Variants in MACROD2 observed in about 807,000 individuals in gnomAD.
MACROD2 encodes the protein mono-ADP ribosylhydrolase 2.
Under a neutral mutation model 70.4 loss-of-function variants are expected in MACROD2, and 36 were observed. The ratio of observed to expected loss-of-function variants is 0.51; its 90% CI spans 0.39 to 0.68. The LOEUF (loss-of-function observed/expected upper bound fraction) is 0.68, where lower values mean the gene tolerates loss of function less well. MACROD2 is among the 30% of genes least tolerant of loss of function. MACROD2 has a pLI of 0.00. For missense variants in MACROD2, 496 were observed against 538.4 expected (o/e 0.92, Z 0.78); for synonymous variants, 172 against 178.8 (o/e 0.96, Z 0.30).
Position 15,564,510 on chromosome 20 carries a change from G to A in MACROD2, c.645+64663G>A, listed in dbSNP as rs57030872. Among the ~76,000 whole-genome samples the A allele has an allele frequency of 3.0e-3, 453 of 152,194 alleles. 4 individuals are homozygous for A. The highest frequency in any genetic ancestry group is 0.01 in the African/African-American group (427 of 41,512). ...TATTGTACCTCTGACATTACTTATA[G>A]CACATTTCGCAGCTGGGTTTAAAAG... is the stretch of plus-strand genomic sequence containing the variant. On this transcript the variant is annotated intron_variant, in intron 8 of 17. Transcript: ENST00000684519.
At chr20:14,909,006 G>A (rs1377331307) in intron 5 of MACROD2, among the ~76,000 whole-genome samples, 1 of 152,198 alleles carries the variant, frequency 6.6e-6, no homozygotes, top group African/African-American at 2.4e-5. Flanking sequence ...ACCACTGCAG[G>A]TATGGATTAG....
chr20:14,002,258 C>G, intron 1 of MACROD2, 30 bp from the exon 2 acceptor site: 2 of 1,393,904 alleles, frequency 1.4e-6, no homozygotes, highest in Non-Finnish European at 2.0e-6. Flanking sequence ...ACGTTAAATA[C>G]AAATGGAGAT....
chr20:14,130,778 G>A lies in MACROD2; in HGVS notation c.271+45050G>A, dbSNP rs982193512. ...CTCCTTTCAAATAAAAGCAAATTGG[G>A]ATAAATTTGTCATTTTTTGGAGATA... On this transcript the variant is annotated intron_variant, in intron 3 of 17. Coordinates refer to ENST00000684519, the MANE Select transcript of MACROD2 (RefSeq NM_001351661.2). Among the ~76,000 whole-genome samples the A allele has an allele frequency of 3.3e-5, 5 of 152,154 alleles. No individual in the cohort carries two copies. The East Asian group carries it at 5.8e-4, about 18-fold the overall frequency.
chr20:14,418,186 T>C (rs557790746), intron 3 of MACROD2, among the ~76,000 whole-genome samples: 1 of 152,244 alleles, frequency 6.6e-6, no homozygotes, highest in Non-Finnish European at 1.5e-5. Context: ...TTTGTTCCTT[T>C]ACAGCTGGAT....
intron 8 of MACROD2, among the ~76,000 whole-genome samples, chr20:15,800,536 A>T: frequency 6.6e-6 from 1 of 152,116 alleles, no homozygotes; most frequent in East Asian, 2.0e-4. Flanking sequence ...ATTAAAGAGG[A>T]TGTCCTTTCC....
At chr20:14,855,627 T>TA (rs1318048974) in intron 5 of MACROD2, among the ~76,000 whole-genome samples, 5 of 125,176 alleles carry the variant, frequency 4.0e-5, no homozygotes, top group South Asian at 5.0e-4. Flanking sequence ...TTTTTTTTTT[T>TA]AATAAGGCAC....
At chr20:14,517,579 C>G (rs1433489448) in intron 4 of MACROD2, among the ~76,000 whole-genome samples, 1 of 152,060 alleles carries the variant, frequency 6.6e-6, no homozygotes. Context: ...GGAGAAATAC[C>G]TAATGTAGAT....
chr20:14,198,652 T>C (rs1166261900), intron 3 of MACROD2, among the ~76,000 whole-genome samples: 1 of 152,208 alleles, frequency 6.6e-6, no homozygotes, highest in African/African-American at 2.4e-5. Flanking sequence ...GTTATTTCTG[T>C]TTCTGGTTTG....
rs191773528 is a variant in MACROD2, at chr20:15,877,372, T to C, written c.728-8392T>C. Among the ~76,000 whole-genome samples the C allele has an allele frequency of 7.9e-4, 121 of 152,302 alleles. 1 individual carries two copies. The highest frequency in any genetic ancestry group is 1.2e-3 in the South Asian group (6 of 4,828). ...GAAGCAGCAGCATCAGGCGGTGCCT[T>C]TTATTTATTGCTTGATTTATAAAGT... On this transcript the variant is annotated intron_variant, in intron 9 of 17. Transcript: ENST00000684519.
At chr20:14,317,170 T>C (rs550358179) in intron 3 of MACROD2, among the ~76,000 whole-genome samples, 1 of 152,314 alleles carries the variant, frequency 6.6e-6, no homozygotes, top group South Asian at 2.1e-4. Flanking sequence ...TTTTACTCTT[T>C]ACATGGCTGA....
chr20:14,790,529 G>A (rs953249860), intron 5 of MACROD2, among the ~76,000 whole-genome samples: 1 of 152,096 alleles, frequency 6.6e-6, no homozygotes, highest in African/African-American at 2.4e-5. Context: ...CTCCTCAAAT[G>A]ACCTTCACCA....
intron 8 of MACROD2, among the ~76,000 whole-genome samples, chr20:15,623,709 T>TATCTATCC (rs1555850050): frequency 8.5e-4 from 130 of 152,088 alleles, no homozygotes; most frequent in African/African-American, 3.0e-3. Flanking sequence ...TCTATCTATC[T>TATCTATCC]ATCTATCTAT....
intron 3 of MACROD2, among the ~76,000 whole-genome samples, chr20:14,230,671 A>ATATG (rs2081799879): frequency 1.2e-4 from 1 of 8,528 alleles, no homozygotes; most frequent in Non-Finnish European, 3.2e-4. Flanking sequence ...GGCTGGGCCT[A>ATATG]TATATATATA....
intron 5 of MACROD2, among the ~76,000 whole-genome samples, chr20:14,942,812 G>GA (rs2074401425): frequency 6.6e-6 from 1 of 152,170 alleles, no homozygotes; most frequent in African/African-American, 2.4e-5. Flanking sequence ...TATTTTATGT[G>GA]TTTGTTTCTG....
chr20:15,821,663 C>A (rs923555101), intron 8 of MACROD2, among the ~76,000 whole-genome samples: 1 of 152,114 alleles, frequency 6.6e-6, no homozygotes, highest in Non-Finnish European at 1.5e-5. Flanking sequence ...ACCATGTACA[C>A]GCATCTTTCT....
At chr20:15,027,855 T>C (rs1046865077) in intron 5 of MACROD2, among the ~76,000 whole-genome samples, 4 of 152,202 alleles carry the variant, frequency 2.6e-5, no homozygotes, top group Admixed American at 1.3e-4. Flanking sequence ...AACAAGTTGC[T>C]GAATAAACTG....
intron 5 of MACROD2, among the ~76,000 whole-genome samples, chr20:15,188,517 G>C (rs1031191791): frequency 6.6e-6 from 1 of 152,136 alleles, no homozygotes; most frequent in Non-Finnish European, 1.5e-5. Flanking sequence ...CTATTTAGTG[G>C]ATTCAGCACT....
chr20:14,072,660 G>A (rs2053862439), intron 2 of MACROD2, among the ~76,000 whole-genome samples: 1 of 152,186 alleles, frequency 6.6e-6, no homozygotes, highest in South Asian at 2.1e-4. Context: ...GATTGGCCAG[G>A]CGCAGTGGCT....
rs544631307 is a variant in MACROD2, at chr20:15,807,713, C to A, written c.646-55032C>A. Among the ~76,000 whole-genome samples the A allele has an allele frequency of 2.4e-4, 37 of 152,164 alleles. 2 individuals carry two copies. The South Asian group carries it at 7.5e-3, about 31-fold the overall frequency. ...TAAATATAAAATTAATTTCAAATTT[C>A]TTTTTATTTCTTAATGTGGCTATCA... On this transcript the variant is annotated intron_variant, in intron 8 of 17. Coordinates refer to ENST00000684519, the MANE Select transcript of MACROD2 (RefSeq NM_001351661.2).
Sources: gnomAD v4.1 joint callset for allele counts (sites outside exome capture counted in the v4.1 genomes callset) on GRCh38, gnomAD v4.1.1 for gene constraint, MANE v1.5 for transcripts, NCBI Gene and HGNC (gene_info 2026-07-23, HGNC 2026-07-21) for gene names.